BMP1: variants seen among roughly 807,000 people sequenced by gnomAD.
The protein encoded by BMP1 is mammalian tolloid protein.
Under a neutral mutation model 116.8 loss-of-function variants are expected in BMP1, and 63 were observed. That is an observed-to-expected ratio of 0.54 (90% confidence interval 0.44 to 0.67). The LOEUF is 0.67. BMP1 is among the 30% of genes least tolerant of loss of function. The pLI is 0.00. For missense variants in BMP1, 1,183 were observed against 1,358.9 expected (o/e 0.87, Z 2.04); for synonymous variants, 536 against 533.4 (o/e 1.00, Z -0.07).
At chr8:22,198,845 G>A (rs944919157) in intron 15 of BMP1, 66 of 790,732 alleles carry the variant, frequency 8.3e-5, no homozygotes, top group Non-Finnish European at 1.0e-4. Context: ...CCCAACCCCC[G>A]CTTGCTGAGA....
chr8:22,176,618 C>T lies in BMP1; in HGVS notation c.519C>T (p.Asp173=), dbSNP rs1276613598. The change falls in exon 4 of 20, where the codon GAC becomes GAT. Residue 173 remains aspartate (D), a synonymous_variant. Transcript: ENST00000306385. ...CVTFLERTDE[D]SYIVFTYRPC... ...CCTTCCTGGAGCGCACTGACGAGGA[C>T]AGCTATATTGTGTTCACCTATCGAC... 1.2e-6 allele frequency: 2 copies of T among 1,614,054 alleles called. No individual in the cohort carries two copies. The highest frequency in any genetic ancestry group is 1.7e-6 in the Non-Finnish European group (2 of 1,180,012).
chr8:22,211,920 C>A lies in BMP1; in HGVS notation c.*192C>A. ...CCGGCATAAGCCACTTCCCCACAAA[C>A]CCCCACCAGCAAGGGGCTGGGGCCA... On this transcript the variant is annotated 3_prime_UTR_variant, in exon 20 of 20. Transcript: ENST00000306385. The A allele has an allele frequency of 1.3e-6, 1 of 777,492 alleles. No individual in the cohort carries two copies. Among genetic ancestry groups the A allele is most frequent in the Non-Finnish European group, 2.0e-6 (1 of 499,684 alleles). 48.2% of individuals were successfully genotyped at this position (777,492 alleles called of 1,614,324 possible).
intron 16 of BMP1, among the ~76,000 whole-genome samples, chr8:22,204,775 T>C (rs1247561792): frequency 7.1e-6 from 1 of 141,600 alleles, no homozygotes; most frequent in Non-Finnish European, 1.5e-5. Context: ...AAGCCATGCT[T>C]TTCAGAGGCA....
chr8:22,193,434 A>C (rs896048377), intron 9 of BMP1, among the ~76,000 whole-genome samples: 3 of 152,194 alleles, frequency 2.0e-5, no homozygotes, highest in Admixed American at 6.5e-5. Flanking sequence ...GTAAATAATG[A>C]TGGTAATATG....
intron 1 of BMP1, 135 bp downstream of exon 1, chr8:22,165,688 A>T: frequency 3.3e-6 from 3 of 913,568 alleles, no homozygotes; most frequent in Non-Finnish European, 4.4e-6. Context: ...GGAACAAAAG[A>T]ACGAGGGGGA....
chr8:22,199,043 G>A lies in BMP1; in HGVS notation c.2107+1623G>A, dbSNP rs577425217. The A allele has an allele frequency of 8.1e-6, 11 of 1,349,986 alleles. No homozygotes were observed. In the South Asian group the frequency reaches 8.2e-5, roughly 10 times the overall value. 83.6% of individuals were successfully genotyped at this position (1,349,986 alleles called of 1,614,324 possible). A position where few individuals can be genotyped will look rare whatever the true frequency, so the allele number is the denominator to read the frequency against. On this transcript the variant is annotated intron_variant, in intron 15 of 19. Coordinates refer to ENST00000306385, the MANE Select transcript of BMP1 (RefSeq NM_006129.5). The stretch of plus-strand genomic sequence containing the variant: ...CCAGTCTTGGAGGGGGCAGGGGACC[G>A]ACACTCACATCTATCAGGCCTGGAG...
At chr8:22,187,176 A>G (rs1454781591) in intron 8 of BMP1, among the ~76,000 whole-genome samples, 1 of 151,486 alleles carries the variant, frequency 6.6e-6, no homozygotes, top group Admixed American at 6.6e-5. Context: ...TTTTTAATAA[A>G]GATGGGGTTT....
At chr8:22,180,300 G>T in intron 7 of BMP1, 68 bp from the exon 8 acceptor site, 2 of 1,308,324 alleles carry the variant, frequency 1.5e-6, no homozygotes, top group Non-Finnish European at 2.2e-6. Context: ...AGGTTCAGGG[G>T]TGGGTGAGCC....
intron 1 of BMP1, among the ~76,000 whole-genome samples, chr8:22,169,129 G>A (rs937495511): frequency 6.6e-6 from 1 of 150,722 alleles, no homozygotes; most frequent in African/African-American, 2.4e-5. Context: ...GGAGGCTGTA[G>A]TGAGCTATGA....
At chr8:22,188,962 A>G (rs2131871666) in intron 8 of BMP1, among the ~76,000 whole-genome samples, 1 of 152,328 alleles carries the variant, frequency 6.6e-6, no homozygotes, top group Admixed American at 6.5e-5. Context: ...GTGAGTCAGG[A>G]GCCAGAGCGC....
Position 22,198,820 on chromosome 8 carries a change from C to T in BMP1, c.2107+1400C>T, listed in dbSNP as rs73551718. 3,636 of 560,666 alleles carry T rather than the reference C, an allele frequency of 6.5e-3. 125 individuals carry two copies. In the African/African-American group the frequency reaches 0.069, roughly 11 times the overall value. 34.7% of individuals were successfully genotyped at this position (560,666 alleles called of 1,614,324 possible). ...CCACCCTGCTCTGCTTACAGTGGCCCGTTGACCTCCTGCCCCCAACCCCCG... is the reference window on the plus strand; with the variant it reads ...CCACCCTGCTCTGCTTACAGTGGCCTGTTGACCTCCTGCCCCCAACCCCCG... On this transcript the variant is annotated intron_variant, in intron 15 of 19. Coordinates refer to ENST00000306385, the MANE Select transcript of BMP1 (RefSeq NM_006129.5).
chr8:22,180,210 G>T (rs1828574621), intron 7 of BMP1, among the ~76,000 whole-genome samples, 158 bp from the exon 8 acceptor site: 1 of 152,082 alleles, frequency 6.6e-6, no homozygotes, highest in South Asian at 2.1e-4. Context: ...GTGAGGTAGG[G>T]GGGTGGATCT....
At chr8:22,184,054 G>A (rs1457237183) in intron 8 of BMP1, among the ~76,000 whole-genome samples, 1 of 152,244 alleles carries the variant, frequency 6.6e-6, no homozygotes, top group African/African-American at 2.4e-5. Flanking sequence ...AATACTATGT[G>A]TGTTCTAAAG....
chr8:22,196,276 C>T (rs200825749), intron 13 of BMP1: 73 of 541,150 alleles, frequency 1.3e-4, no homozygotes, highest in East Asian at 4.1e-4. Context: ...GACAGCACTC[C>T]GAGGCTAATG....
Position 22,179,592 on chromosome 8 carries a change from G to A in BMP1, c.837-113G>A, listed in dbSNP as rs533245403. On this transcript the variant is annotated intron_variant, in intron 6 of 19. Transcript: ENST00000306385. This position sits in a 1 kb window ranked among gnomAD's most constrained non-coding sequence, Gnocchi z 4.6. ...CTCCACCCGGCCCTGACCCTGCTGA[G>A]GAATGTCTGAGCTCCAGCAGGGTCG... The A allele has an allele frequency of 6.3e-6, 10 of 1,579,012 alleles. No individual in the cohort carries two copies. The East Asian group carries it at 2.1e-4, about 33-fold the overall frequency.
intron 8 of BMP1, among the ~76,000 whole-genome samples, chr8:22,187,639 G>A (rs980444671): frequency 1.7e-4 from 26 of 150,538 alleles, no homozygotes; most frequent in Non-Finnish European, 1.0e-4. Flanking sequence ...GTGAGCCACC[G>A]TGCCCGGCCC....
At chr8:22,184,307 A>ACTAGTCTCT (rs1196328475) in intron 8 of BMP1, among the ~76,000 whole-genome samples, 3 of 152,180 alleles carry the variant, frequency 2.0e-5, no homozygotes, top group Admixed American at 6.5e-5. Flanking sequence ...CTGGGCTAGC[A>ACTAGTCTCT]CTAGTCTCTC....
chr8:22,180,302 G>A, intron 7 of BMP1, 66 bp from the exon 8 acceptor site: 1 of 1,319,056 alleles, frequency 7.6e-7, no homozygotes. Context: ...GTTCAGGGGT[G>A]GGTGAGCCAG....
At position 22,179,644 on chromosome 8, in the gene BMP1, C is replaced by T. The variant is rs1828554464; in HGVS notation, c.837-61C>T. 6.2e-7 allele frequency: 1 copy of T among 1,608,212 alleles called. No individual in the cohort carries two copies. The highest frequency in any genetic ancestry group is 8.5e-7 in the Non-Finnish European group (1 of 1,176,764). ...GACTTGTGGGTACAGATGGGCATGCCACCCACTCCCTGCCCACTGTCCATG... is the reference window on the plus strand; with the variant it reads ...GACTTGTGGGTACAGATGGGCATGCTACCCACTCCCTGCCCACTGTCCATG... On this transcript the variant is annotated intron_variant, in intron 6 of 19. Coordinates refer to ENST00000306385, the MANE Select transcript of BMP1 (RefSeq NM_006129.5). This position sits in a 1 kb window ranked among gnomAD's most constrained non-coding sequence, Gnocchi z 4.6.
Sources: gnomAD v4.1 joint callset for allele counts (sites outside exome capture counted in the v4.1 genomes callset) on GRCh38, gnomAD v4.1.1 for gene constraint, Gnocchi (gnomAD v3.1) non-coding constraint, MANE v1.5 for transcripts, NCBI Gene and HGNC (gene_info 2026-07-23, HGNC 2026-07-21) for gene names.